ANK2: variants seen among roughly 807,000 people sequenced by gnomAD.
ANK2 encodes the protein ankyrin-2.
ANK2 carries 83 observed loss-of-function variants against 360.5 expected under a neutral mutation model. The ratio of observed to expected loss-of-function variants is 0.23; its 90% confidence interval spans 0.19 to 0.28. ANK2 has a LOEUF of 0.28. Among genes scored for constraint, ANK2 ranks in the 10% least tolerant of loss-of-function variants. ANK2 has a pLI of 1.00. For synonymous variants in ANK2, 1,740 were observed against 1,759.5 expected (o/e 0.99, Z 0.28); for missense variants, 4,201 against 4,795.7 (o/e 0.88, Z 3.66).
chr4:112,898,523 G>A (rs2150803740), intron 1 of ANK2, among the ~76,000 whole-genome samples: 1 of 152,264 alleles, frequency 6.6e-6, no homozygotes, highest in East Asian at 1.9e-4. Flanking sequence ...ATCAAGAGTA[G>A]CACTGTGAAC....
At chr4:112,872,695 T>C (rs1030507935) in intron 1 of ANK2, among the ~76,000 whole-genome samples, 1 of 152,252 alleles carries the variant, frequency 6.6e-6, no homozygotes, top group African/African-American at 2.4e-5. Context: ...TTCTTTGTTA[T>C]GCTTTCAGTA....
the ANK2 span, among the ~76,000 whole-genome samples, chr4:112,746,500 G>C: frequency 8.5e-6 from 1 of 118,122 alleles, no homozygotes; most frequent in Non-Finnish European, 1.7e-5. Context: ...CGAGTGAGAT[G>C]CTGTCTCAAA....
chr4:113,127,666 A>T (rs940929356), intron 1 of ANK2, among the ~76,000 whole-genome samples: 1 of 152,122 alleles, frequency 6.6e-6, no homozygotes, highest in African/African-American at 2.4e-5. Context: ...GGCATGATCA[A>T]AGTGGAAGGA....
intron 7 of ANK2, among the ~76,000 whole-genome samples, chr4:113,239,925 C>T (rs779814318): frequency 6.6e-6 from 1 of 152,078 alleles, no homozygotes; most frequent in Non-Finnish European, 1.5e-5. Context: ...TCGTGCTACA[C>T]AGTTGTAAAA....
Position 113,081,066 on chromosome 4 carries a change from G to A in ANK2, c.84+31254G>A, listed in dbSNP as rs137855456. Among the ~76,000 whole-genome samples, 880 of 152,136 alleles carry A rather than the reference G, an allele frequency of 5.8e-3. 18 individuals carry two copies. The highest frequency in any genetic ancestry group is 0.04 in the East Asian group (207 of 5,176). The stretch of plus-strand genomic sequence containing the variant: ...TTCAAAGGCATTACTTACAAAATAT[G>A]TATTATTCTTATCAGACTCCAGAAA... On this transcript the variant is annotated intron_variant, in intron 1 of 45. Coordinates refer to ENST00000357077, the MANE Select transcript of ANK2 (RefSeq NM_001148.6).
intron 1 of ANK2, among the ~76,000 whole-genome samples, chr4:112,844,325 A>G (rs1277230088): frequency 2.0e-5 from 3 of 152,190 alleles, no homozygotes; most frequent in Non-Finnish European, 4.4e-5. Context: ...CTTTCTTTGC[A>G]CCTTCCTTGT....
chr4:112,826,314 A>G (rs752672086), intron 1 of ANK2: 3 of 778,824 alleles, frequency 3.9e-6, no homozygotes, highest in Non-Finnish European at 6.1e-6. Context: ...GTTTTGCTTC[A>G]GACTTCGAAA....
intron 1 of ANK2, among the ~76,000 whole-genome samples, chr4:113,134,836 A>G (rs1308337529): frequency 6.6e-6 from 1 of 152,102 alleles, no homozygotes; most frequent in Non-Finnish European, 1.5e-5. Context: ...TCAGATTAGA[A>G]CTTTGCCATG....
intron 2 of ANK2, among the ~76,000 whole-genome samples, chr4:113,189,332 T>C (rs928779438): frequency 6.6e-6 from 1 of 152,192 alleles, no homozygotes; most frequent in African/African-American, 2.4e-5. Flanking sequence ...CATGCCAAAT[T>C]TGGCTTATTT....
intron 2 of ANK2, among the ~76,000 whole-genome samples, chr4:113,022,594 A>C (rs1345592981): frequency 6.6e-6 from 1 of 152,258 alleles, no homozygotes; most frequent in African/African-American, 2.4e-5. Context: ...CATAATAGGA[A>C]AATTTAGAAA....
the ANK2 span, among the ~76,000 whole-genome samples, chr4:112,786,956 C>T: frequency 6.6e-6 from 1 of 151,938 alleles, no homozygotes; most frequent in Non-Finnish European, 1.5e-5. Context: ...GCCATGTTGG[C>T]CAGGTTGGTC....
intron 26 of ANK2, among the ~76,000 whole-genome samples, chr4:113,323,468 G>A (rs1297374918): frequency 6.6e-6 from 1 of 152,100 alleles, no homozygotes; most frequent in Non-Finnish European, 1.5e-5. Flanking sequence ...GACCCTTGAT[G>A]TTTCTGTAGC....
intron 42 of ANK2, 112 bp downstream of exon 42, chr4:113,367,963 C>A: frequency 7.6e-7 from 1 of 1,310,736 alleles, no homozygotes; most frequent in Admixed American, 1.9e-5. Flanking sequence ...AATGACCCTA[C>A]CAAACACAAG....
intron 1 of ANK2, among the ~76,000 whole-genome samples, chr4:112,842,502 T>A (rs1285715118): frequency 6.6e-6 from 1 of 152,204 alleles, no homozygotes; most frequent in Non-Finnish European, 1.5e-5. Context: ...TTGCATGGAC[T>A]TGGGGGCGAA....
chr4:112,721,455 T>A, the ANK2 span, among the ~76,000 whole-genome samples: 1 of 141,604 alleles, frequency 7.1e-6, no homozygotes, highest in African/African-American at 2.6e-5. Context: ...GGCAGGAAAA[T>A]CGTTTGAACC....
rs2153687847 is a variant in ANK2 at position 113,274,451 on chromosome 4, G to T, written c.1486-1G>T. 1 of 1,614,166 alleles carries T rather than the reference G, an allele frequency of 6.2e-7. No homozygotes were observed. Among genetic ancestry groups the T allele is most frequent in the Non-Finnish European group, 8.5e-7 (1 of 1,180,016 alleles). ...AACTTTTTACTTGGCTTGAGTTGTAGGAGGAACAGACACCTTTACATATTG... is the reference window on the plus strand; with the variant it reads ...AACTTTTTACTTGGCTTGAGTTGTATGAGGAACAGACACCTTTACATATTG... On this transcript the variant is annotated splice_acceptor_variant, in intron 14 of 45. Coordinates refer to ENST00000357077, the MANE Select transcript of ANK2 (RefSeq NM_001148.6). LOFTEE classifies it high-confidence loss of function.
At chr4:113,045,327 G>T (rs964410099), upstream of ANK2, among the ~76,000 whole-genome samples, 1 of 152,104 alleles carries the variant, frequency 6.6e-6, no homozygotes, top group Non-Finnish European at 1.5e-5. Context: ...ATCTGACAGC[G>T]GTTTCTTTTC....
chr4:113,205,891 T>C (rs1357870992), intron 4 of ANK2, among the ~76,000 whole-genome samples: 1 of 152,166 alleles, frequency 6.6e-6, no homozygotes, highest in Admixed American at 6.5e-5. Context: ...AAGCAAAAAC[T>C]TGTAATGGAA....
At chr4:112,921,484 A>G (rs192966345) in intron 2 of ANK2, among the ~76,000 whole-genome samples, 1 of 144,518 alleles carries the variant, frequency 6.9e-6, no homozygotes, top group East Asian at 2.1e-4. Context: ...TTTTAAAGAG[A>G]TGGGGTCTTG....
Sources: gnomAD v4.1 joint callset for allele counts (sites outside exome capture counted in the v4.1 genomes callset) on GRCh38, gnomAD v4.1.1 for gene constraint, MANE v1.5 for transcripts, NCBI Gene and HGNC (gene_info 2026-07-23, HGNC 2026-07-21) for gene names.